Variants in B3GALT1 observed in about 807,000 individuals in gnomAD.
B3GALT1 encodes beta-1,3-galactosyltransferase 1.
A neutral mutation model predicts 23.2 loss-of-function variants in B3GALT1; 10 were observed. That is an observed-to-expected ratio of 0.43 (90% CI 0.27 to 0.73). The LOEUF (loss-of-function observed/expected upper bound fraction) is 0.73. B3GALT1 is among the 30% of genes least tolerant of loss of function. The probability of loss-of-function intolerance (pLI) is 0.21; values close to 1 mark genes in which losing one functional copy is unlikely to be tolerated. For synonymous variants in B3GALT1, 156 were observed against 141.5 expected, an observed-to-expected ratio of 1.10 and a Z score of -0.73; for missense variants, 299 against 405.4, an observed-to-expected ratio of 0.74 and a Z score of 2.25.
At chr2:167,561,769 C>T (rs1683999568) in intron 2 of B3GALT1, among the ~76,000 whole-genome samples, 2 of 152,184 alleles carry the variant, frequency 1.3e-5, no homozygotes, top group Admixed American at 6.5e-5. Flanking sequence ...GAAGTTGAAT[C>T]TCTGAATAGA....
chr2:167,478,946 G>A (rs1699525845), intron 1 of B3GALT1, among the ~76,000 whole-genome samples: 1 of 152,090 alleles, frequency 6.6e-6, no homozygotes, highest in Non-Finnish European at 1.5e-5. Flanking sequence ...ATTTTGGATT[G>A]TATGCTACTT....
At chr2:167,322,469 ATAAT>A (rs1696828971) in intron 1 of B3GALT1, among the ~76,000 whole-genome samples, 1 of 152,046 alleles carries the variant, frequency 6.6e-6, no homozygotes, top group African/African-American at 2.4e-5. Context: ...CATGTATAAA[ATAAT>A]AGTTTTTCTG....
At chr2:167,665,967 T>A (rs1295712441) in intron 3 of B3GALT1, among the ~76,000 whole-genome samples, 1 of 152,190 alleles carries the variant, frequency 6.6e-6, no homozygotes, top group African/African-American at 2.4e-5. Context: ...TTTCCTTCAG[T>A]TCTGCTCTGA....
At chr2:167,549,378 C>G (rs142804579) in intron 2 of B3GALT1, among the ~76,000 whole-genome samples, 1 of 152,152 alleles carries the variant, frequency 6.6e-6, no homozygotes, top group Non-Finnish European at 1.5e-5. Flanking sequence ...CATATGTCGA[C>G]TTTCCACAGT....
chr2:167,461,100 G>T (rs184376479), intron 1 of B3GALT1, among the ~76,000 whole-genome samples: 1 of 152,132 alleles, frequency 6.6e-6, no homozygotes, highest in Non-Finnish European at 1.5e-5. Context: ...TCATTTGATT[G>T]TCTGCACGTC....
intron 1 of B3GALT1, among the ~76,000 whole-genome samples, chr2:167,431,296 T>C (rs1698701068): frequency 6.6e-6 from 1 of 152,210 alleles, no homozygotes; most frequent in Admixed American, 6.5e-5. Context: ...GCTCTAATAA[T>C]TTTAGCCTGG....
intron 3 of B3GALT1, among the ~76,000 whole-genome samples, chr2:167,809,860 T>C (rs1688841894): frequency 6.6e-6 from 1 of 152,046 alleles, no homozygotes; most frequent in African/African-American, 2.4e-5. Flanking sequence ...GCCTTTTGTT[T>C]GGCTATGTCC....
intron 2 of B3GALT1, among the ~76,000 whole-genome samples, chr2:167,522,704 T>A (rs1700208205): frequency 6.6e-6 from 1 of 152,204 alleles, no homozygotes; most frequent in Admixed American, 6.6e-5. Context: ...CCAAAAAATC[T>A]GTACACATTG....
At chr2:167,313,987 A>G (rs1696672736) in intron 1 of B3GALT1, among the ~76,000 whole-genome samples, 1 of 152,142 alleles carries the variant, frequency 6.6e-6, no homozygotes, top group African/African-American at 2.4e-5. Flanking sequence ...GTAGGCTAAC[A>G]TCCTCAGCAA....
At chr2:167,677,838 A>G (rs1421968851) in intron 3 of B3GALT1, among the ~76,000 whole-genome samples, 2 of 152,184 alleles carry the variant, frequency 1.3e-5, no homozygotes, top group African/African-American at 4.8e-5. Context: ...TCATGGCAGA[A>G]GGGGAAGCAA....
intron 3 of B3GALT1, among the ~76,000 whole-genome samples, chr2:167,676,554 C>CACACACAT (rs1553478068): frequency 7.9e-6 from 1 of 126,288 alleles, no homozygotes; most frequent in African/African-American, 3.5e-5. Flanking sequence ...CACACACACA[C>CACACACAT]ATATATATGT....
chr2:167,390,160 T>C (rs1574060174), intron 1 of B3GALT1, among the ~76,000 whole-genome samples: 1 of 152,224 alleles, frequency 6.6e-6, no homozygotes, highest in East Asian at 1.9e-4. Flanking sequence ...CAGCTGGGAT[T>C]TATCTGAGAG....
At chr2:167,706,212 G>A (rs903778256) in intron 3 of B3GALT1, among the ~76,000 whole-genome samples, 1 of 152,166 alleles carries the variant, frequency 6.6e-6, no homozygotes, top group Non-Finnish European at 1.5e-5. Flanking sequence ...CTTCCAGCTA[G>A]GAAACACAGA....
At chr2:167,569,449 G>T (rs776529903) in intron 2 of B3GALT1, among the ~76,000 whole-genome samples, 56 of 151,476 alleles carry the variant, frequency 3.7e-4, no homozygotes, top group Non-Finnish European at 7.2e-4. Flanking sequence ...TTCATTTTTG[G>T]TGGTGCTAAT....
intron 3 of B3GALT1, among the ~76,000 whole-genome samples, chr2:167,741,343 A>C (rs1979100): frequency 0.73 from 111,048 of 151,990 alleles, 40,816 homozygotes; most frequent in Admixed American, 0.8. Context: ...CTTTCTTCAA[A>C]AAACATCTAC....
chr2:167,834,482 T>C (rs1349816131), intron 4 of B3GALT1, among the ~76,000 whole-genome samples: 2 of 152,198 alleles, frequency 1.3e-5, no homozygotes, highest in Non-Finnish European at 2.9e-5. Context: ...ATGACAAGTC[T>C]CCTAATAGAG....
intron 1 of B3GALT1, among the ~76,000 whole-genome samples, chr2:167,347,569 A>G (rs1365644260): frequency 1.3e-5 from 2 of 152,168 alleles, no homozygotes; most frequent in Admixed American, 6.5e-5. Context: ...AAATTAAGTT[A>G]TATGTGGACT....
intron 3 of B3GALT1, among the ~76,000 whole-genome samples, chr2:167,805,069 G>T (rs1213269590): frequency 6.6e-6 from 1 of 152,154 alleles, no homozygotes; most frequent in Admixed American, 6.5e-5. Context: ...GCATTTCTCT[G>T]ATGGCCAGTG....
intron 3 of B3GALT1, among the ~76,000 whole-genome samples, chr2:167,803,276 T>G (rs747725204): frequency 6.6e-6 from 1 of 152,236 alleles, no homozygotes; most frequent in Admixed American, 6.5e-5. Flanking sequence ...TAGATACTTA[T>G]GCATTTTGAA....
Sources: gnomAD v4.1 joint callset for allele counts (sites outside exome capture counted in the v4.1 genomes callset) on GRCh38, gnomAD v4.1.1 for gene constraint, MANE v1.5 for transcripts, NCBI Gene and HGNC (gene_info 2026-07-23, HGNC 2026-07-21) for gene names.